Variants in DNAJA2 observed in about 807,000 individuals in gnomAD.
DNAJA2 encodes the protein dnaJ homolog subfamily A member 2.
DNAJA2 carries 6 observed loss-of-function variants against 49.3 expected under a neutral mutation model. The ratio of observed to expected loss-of-function variants is 0.12; its 90% CI spans 0.07 to 0.24. DNAJA2 has a LOEUF of 0.24. DNAJA2 is among the 10% of genes least tolerant of loss of function. The pLI is 1.00. For synonymous variants in DNAJA2, 160 were observed against 172.7 expected (o/e 0.93, Z 0.58); for missense variants, 347 against 516.8 (o/e 0.67, Z 3.19).
At chr16:46,970,468 C>T (rs555395292) in intron 3 of DNAJA2, among the ~76,000 whole-genome samples, 10 of 152,268 alleles carry the variant, frequency 6.6e-5, no homozygotes, top group African/African-American at 2.2e-4. Flanking sequence ...ATAGGCTGGG[C>T]GCAGTGGCTT....
At chr16:46,967,982 C>A in intron 4 of DNAJA2, 102 bp downstream of exon 4, 1 of 1,155,642 alleles carries the variant, frequency 8.7e-7, no homozygotes, top group Non-Finnish European at 1.2e-6. Context: ...CGCACCCAGC[C>A]GTAAGTTTTA....
chr16:46,959,688 A>G (rs1207986443), intron 6 of DNAJA2: 1 of 324,152 alleles, frequency 3.1e-6, no homozygotes, highest in South Asian at 5.9e-5. Flanking sequence ...AAACAGTGCC[A>G]GGTATATTCT....
chr16:46,958,242 C>T (rs555305989), intron 8 of DNAJA2, among the ~76,000 whole-genome samples: 4 of 151,690 alleles, frequency 2.6e-5, no homozygotes, highest in Admixed American at 2.0e-4. Flanking sequence ...GGCAACAGAG[C>T]GAGACTCTCT....
rs191064282 is a variant in DNAJA2 at position 46,966,017 on chromosome 16, A to G, written c.578-1210T>C. On this transcript the variant is annotated intron_variant, in intron 5 of 8. Transcript: ENST00000317089. ...GGCAGGAGAATTACTTGAACCCAGG[A>G]GTTCGAGACCAGCCTGGGCAACGTG... Among the ~76,000 whole-genome samples, 534 of 152,136 alleles carry G rather than the reference A, an allele frequency of 3.5e-3. 2 individuals carry two copies. The highest frequency in any genetic ancestry group is 6.1e-3 in the Non-Finnish European group (417 of 67,986).
intron 2 of DNAJA2, 160 bp from the exon 3 acceptor site, chr16:46,971,732 G>T: frequency 1.2e-6 from 1 of 836,312 alleles, no homozygotes; most frequent in Non-Finnish European, 1.9e-6. Flanking sequence ...CCGCTCCTCA[G>T]AATGGTAGTA....
At chr16:46,964,513 T>C in intron 6 of DNAJA2, 98 bp downstream of exon 6, 1 of 1,189,902 alleles carries the variant, frequency 8.4e-7, no homozygotes, top group Admixed American at 2.7e-5. Flanking sequence ...GTGTTCAGTG[T>C]TGCTCCAGGG....
intron 3 of DNAJA2, among the ~76,000 whole-genome samples, 170 bp downstream of exon 3, chr16:46,971,179 T>C (rs1040805638): frequency 6.6e-6 from 1 of 152,154 alleles, no homozygotes; most frequent in Admixed American, 6.5e-5. Flanking sequence ...TACAGCGAAA[T>C]AGAAACATTC....
At chr16:46,972,401 CTTCT>C (rs1259877714) in intron 1 of DNAJA2, 2 of 155,180 alleles carry the variant, frequency 1.3e-5, no homozygotes, top group Non-Finnish European at 2.9e-5. Flanking sequence ...TCACGCCTTC[CTTCT>C]AACTGTAACA....
At chr16:46,958,121 C>G (rs1164214131) in intron 8 of DNAJA2, among the ~76,000 whole-genome samples, 1 of 151,974 alleles carries the variant, frequency 6.6e-6, no homozygotes, top group Non-Finnish European at 1.5e-5. Flanking sequence ...TTGCTTGAGA[C>G]CAGTCTGGAC....
In DNAJA2 at chr16:46,957,006, C is replaced by G; in HGVS notation, c.*23G>C. 6.2e-7 allele frequency: 1 copy of G among 1,613,828 alleles called. No homozygotes were observed. The highest frequency in any genetic ancestry group is 8.5e-7 in the Non-Finnish European group (1 of 1,179,712). ...CAGGCAAATGTGGAAAGAAAATCCACCTGTGCAATTTGTTTGCAGAGTTTA... is the reference window on the plus strand; with the variant it reads ...CAGGCAAATGTGGAAAGAAAATCCAGCTGTGCAATTTGTTTGCAGAGTTTA... On this transcript the variant is annotated 3_prime_UTR_variant, in exon 9 of 9. Transcript: ENST00000317089.
At position 46,971,342 on chromosome 16, in the gene DNAJA2, T is replaced by C. The variant is rs1353323086; in HGVS notation, c.362+7A>G. 3 of 1,601,696 alleles carry C rather than the reference T, an allele frequency of 1.9e-6. No individual in the cohort carries two copies. The highest frequency in any genetic ancestry group is 2.3e-5 in the East Asian group (1 of 44,398). ...AATTTTTTAAAACAACAAAACAAGA[T>C]ATTCACTTGAGTGGATGCATCATGT... On this transcript the variant is annotated splice_region_variant and intron_variant, in intron 3 of 8. Coordinates refer to ENST00000317089, the MANE Select transcript of DNAJA2 (RefSeq NM_005880.4).
chr16:46,973,330 G>A (rs1596660549), intron 1 of DNAJA2, among the ~76,000 whole-genome samples, 165 bp downstream of exon 1: 1 of 150,794 alleles, frequency 6.6e-6, no homozygotes, highest in South Asian at 2.1e-4. Context: ...GGAGTGCGCG[G>A]CTCGCGGCGA....
Position 46,956,724 on chromosome 16 carries a change from C to A in DNAJA2, c.*305G>T, listed in dbSNP as rs538429734. 2 of 247,002 alleles carry A rather than the reference C, an allele frequency of 8.1e-6. No individual in the cohort carries two copies. Among genetic ancestry groups the A allele is most frequent in the Non-Finnish European group, 1.6e-5 (2 of 127,966 alleles). 15.3% of individuals were successfully genotyped at this position (247,002 alleles called of 1,614,324 possible). On this transcript the variant is annotated 3_prime_UTR_variant, in exon 9 of 9. Transcript: ENST00000317089. Reference sequence around the variant, plus strand: ...AAAATATGAAACATAAAAATCTACACAAAACTGATAAAAATCAAGCACAGA... The same window carrying A: ...AAAATATGAAACATAAAAATCTACAAAAAACTGATAAAAATCAAGCACAGA...
At chr16:46,966,476 A>G (rs1252543437) in intron 5 of DNAJA2, among the ~76,000 whole-genome samples, 2 of 152,258 alleles carry the variant, frequency 1.3e-5, no homozygotes, top group African/African-American at 2.4e-5. Flanking sequence ...CAGTAGTCAC[A>G]GGTGATTAAT....
chr16:46,972,571 C>T (rs1266186653), intron 1 of DNAJA2: 1 of 152,894 alleles, frequency 6.5e-6, no homozygotes, highest in Non-Finnish European at 1.5e-5. Context: ...TCTTCATTCA[C>T]GGAGGCTCGT....
At position 46,973,348 on chromosome 16, in the gene DNAJA2, C is replaced by CCCGCCG. The variant is rs972724371; in HGVS notation, c.78+141_78+146dup. 153 of 594,760 alleles carry CCCGCCG rather than the reference C, an allele frequency of 2.6e-4. No homozygotes were observed. In the African/African-American group the frequency reaches 2.8e-3, roughly 11 times the overall value. 36.8% of individuals were successfully genotyped at this position (594,760 alleles called of 1,614,324 possible). A position where few individuals can be genotyped will look rare whatever the true frequency, so the allele number is the denominator to read the frequency against. ...GTGCGCGGCTCGCGGCGAGGCCGGT[C>CCCGCCG]CCGCCGCCGCCGCCGACTCCCAGCC... On this transcript the variant is annotated intron_variant, in intron 1 of 8. Transcript: ENST00000317089.
rs1961812064 is a variant in DNAJA2 at position 46,956,437 on chromosome 16, T to TAAAAAAAAAAAAAAG, written c.*591_*592insCTTTTTTTTTTTTTT. The TAAAAAAAAAAAAAAG allele has an allele frequency of 1.6e-5, 2 of 124,812 alleles. No individual in the cohort carries two copies. The highest frequency in any genetic ancestry group is 2.2e-4 in the East Asian group (1 of 4,462). 7.7% of individuals were successfully genotyped at this position (124,812 alleles called of 1,614,324 possible). A position where few individuals can be genotyped will look rare whatever the true frequency, so the allele number is the denominator to read the frequency against. On this transcript the variant is annotated 3_prime_UTR_variant, in exon 9 of 9. Coordinates refer to ENST00000317089, the MANE Select transcript of DNAJA2 (RefSeq NM_005880.4). ...GTTTCAGAAACCTTTCACAAGATGG[T>TAAAAAAAAAAAAAAG]AAAAAAAAAAAAAAAGAAAAAAGAA...
rs1320814929 is a variant in DNAJA2, at chr16:46,956,450, A to T, written c.*579T>A. ...TTCACAAGATGGTAAAAAAAAAAAA[A>T]AAGAAAAAAGAAAAAAAAAACAAAA... is the stretch of plus-strand genomic sequence containing the variant. On this transcript the variant is annotated 3_prime_UTR_variant, in exon 9 of 9. Transcript: ENST00000317089. 1.3e-5 allele frequency: 2 copies of T among 152,020 alleles called. No individual in the cohort carries two copies. Among genetic ancestry groups the T allele is most frequent in the East Asian group, 3.9e-4 (2 of 5,188 alleles). The allele number at this position is 152,020 out of a possible 1,614,324, so 9.4% of individuals were successfully genotyped here.
intron 8 of DNAJA2, among the ~76,000 whole-genome samples, chr16:46,957,729 A>G (rs1961835438): frequency 6.6e-6 from 1 of 152,188 alleles, no homozygotes; most frequent in African/African-American, 2.4e-5. Context: ...TTGCTTTAAG[A>G]ACCAAAAAAA....
Sources: allele counts gnomAD v4.1 joint callset (sites outside exome capture counted in the v4.1 genomes callset), GRCh38; gene constraint gnomAD v4.1.1; transcripts MANE v1.5; gene names NCBI Gene and HGNC (gene_info 2026-07-23, HGNC 2026-07-21).